Variants in EPN2 observed in about 807,000 individuals in gnomAD.
EPN2 encodes epsin 2, also known as epsin-2.
EPN2 carries 34 observed loss-of-function variants against 61.7 expected under a neutral mutation model. The ratio of observed to expected loss-of-function variants is 0.55; its 90% CI spans 0.42 to 0.73. EPN2 has a LOEUF of 0.73. EPN2 is among the 30% of genes least tolerant of loss of function. EPN2 has a pLI of 0.00. For synonymous variants in EPN2, 349 were observed against 353.6 expected (o/e 0.99, Z 0.15); for missense variants, 714 against 839.2 (o/e 0.85, Z 1.84).
intron 1 of EPN2, among the ~76,000 whole-genome samples, chr17:19,252,107 T>G (rs1333606323): frequency 6.6e-6 from 1 of 152,066 alleles, no homozygotes. Context: ...TTGGAACATT[T>G]TGGATTTTGG....
intron 1 of EPN2, among the ~76,000 whole-genome samples, chr17:19,270,043 G>A (rs1464001612): frequency 6.6e-6 from 1 of 152,220 alleles, no homozygotes; most frequent in Non-Finnish European, 1.5e-5. Context: ...AGAAGTCAGA[G>A]TCTGAGAGCA....
chr17:19,312,008 C>A, intron 5 of EPN2, 44 bp from the exon 6 acceptor site: 1 of 1,285,808 alleles, frequency 7.8e-7, no homozygotes, highest in Non-Finnish European at 1.1e-6. Flanking sequence ...TTGTTCTGTA[C>A]AGTGATGTTA....
chr17:19,281,754 A>G (rs532761206), intron 1 of EPN2, among the ~76,000 whole-genome samples: 4 of 152,218 alleles, frequency 2.6e-5, no homozygotes. Flanking sequence ...ACAGCCAAGC[A>G]GGTGGTCAGA....
chr17:19,315,973 C>G (rs779311588), intron 7 of EPN2, among the ~76,000 whole-genome samples: 4 of 152,188 alleles, frequency 2.6e-5, no homozygotes, highest in African/African-American at 9.7e-5. Context: ...TTCATAGAAA[C>G]GGAGTCATGC....
At chr17:19,295,802 T>A (rs2045513935) in intron 4 of EPN2, among the ~76,000 whole-genome samples, 1 of 152,136 alleles carries the variant, frequency 6.6e-6, no homozygotes, top group South Asian at 2.1e-4. Flanking sequence ...CAAATTAGAA[T>A]CTCTGGGAGG....
intron 4 of EPN2, chr17:19,307,794 T>TCTA (rs1905923742): frequency 1.8e-6 from 1 of 563,860 alleles, no homozygotes; most frequent in African/African-American, 2.0e-5. Flanking sequence ...GCAGCCTCTT[T>TCTA]CTACCTCCCC....
At position 19,335,264 on chromosome 17, in the gene EPN2, T is replaced by C. The variant is rs1383104000; in HGVS notation, c.*1010T>C. The C allele has an allele frequency of 5.2e-6, 4 of 771,456 alleles. No homozygotes were observed. The East Asian group carries it at 1.1e-4, about 22-fold the overall frequency. The allele number at this position is 771,456 out of a possible 1,614,324, so 47.8% of individuals were successfully genotyped here. On this transcript the variant is annotated 3_prime_UTR_variant, in exon 11 of 11. Transcript: ENST00000314728. ...GTTTTTGGTGAATTACTAAACTGAT[T>C]GACTTTCAGCCTTTTTGGCTAGATC... is the stretch of plus-strand genomic sequence containing the variant.
Position 19,312,058 on chromosome 17 carries a change from C to T in EPN2, c.886C>T (p.Arg296Cys), listed in dbSNP as rs1202146083. 7 of 1,612,012 alleles carry T rather than the reference C, an allele frequency of 4.3e-6. No individual in the cohort carries two copies. The highest frequency in any genetic ancestry group is 4.2e-6 in the Non-Finnish European group (5 of 1,178,012). ...TTGCATTGTCCCTCTACAGGAAGAA[C>T]GCCTCAGGCGGGGTGATGACCTCAG... ...MSREVAEQEE[R>C]LRRGDDLRLQ... The change falls in exon 6 of 11, where the codon CGC becomes TGC. Residue 296 changes from arginine to cysteine, a missense_variant. Arg to Cys is a radical substitution (Grantham distance 180). This residue lies in a region of EPN2 where 304 missense variants were observed against 417.4 expected (regional missense o/e 0.73). Coordinates refer to ENST00000314728, the MANE Select transcript of EPN2 (RefSeq NM_014964.5).
chr17:19,299,564 A>G (rs1214202130), intron 4 of EPN2, among the ~76,000 whole-genome samples: 1 of 152,264 alleles, frequency 6.6e-6, no homozygotes, highest in Non-Finnish European at 1.5e-5. Flanking sequence ...GGTAAATGAC[A>G]GTGAGAAAAA....
chr17:19,328,108 T>C, intron 7 of EPN2, among the ~76,000 whole-genome samples: 1 of 152,228 alleles, frequency 6.6e-6, no homozygotes, highest in Non-Finnish European at 1.5e-5. Flanking sequence ...ACCCACTAAA[T>C]TGATTTTGTC....
chr17:19,264,320 T>A (rs567932721), intron 1 of EPN2, among the ~76,000 whole-genome samples: 1 of 152,200 alleles, frequency 6.6e-6, no homozygotes, highest in South Asian at 2.1e-4. Flanking sequence ...ACTAAAAAAT[T>A]CCCCTCCTGT....
chr17:19,276,314 A>G (rs548660175), intron 1 of EPN2: 124 of 145,542 alleles, frequency 8.5e-4, no homozygotes, highest in African/African-American at 2.9e-3. Flanking sequence ...CAGTCTCCTG[A>G]GTAGCTGGGA....
At chr17:19,254,742 G>T (rs1484980842) in intron 1 of EPN2, among the ~76,000 whole-genome samples, 3 of 152,080 alleles carry the variant, frequency 2.0e-5, no homozygotes, top group Non-Finnish European at 2.9e-5. Flanking sequence ...TGGAATGGAG[G>T]TGGGTGATCA....
intron 1 of EPN2, among the ~76,000 whole-genome samples, chr17:19,253,546 C>T (rs1342963921): frequency 6.6e-6 from 1 of 151,388 alleles, no homozygotes; most frequent in African/African-American, 2.4e-5. Flanking sequence ...TCCTGAGTAG[C>T]TGGGGCTACA....
At chr17:19,308,511 G>T in intron 4 of EPN2, 1 of 985,472 alleles carries the variant, frequency 1.0e-6, no homozygotes, top group Non-Finnish European at 1.2e-6. Flanking sequence ...AGGGGTGAGT[G>T]CTACAAGGGA....
chr17:19,290,944 A>G (rs1437126632), intron 4 of EPN2, among the ~76,000 whole-genome samples: 2 of 152,100 alleles, frequency 1.3e-5, no homozygotes, highest in South Asian at 2.1e-4. Flanking sequence ...GTCTGCTCCC[A>G]GAGAAATGAC....
chr17:19,245,515 C>CA (rs758009631), intron 1 of EPN2, among the ~76,000 whole-genome samples: 37 of 150,998 alleles, frequency 2.5e-4, no homozygotes, highest in Admixed American at 3.3e-4. Context: ...CAGCTCACTG[C>CA]AGCCTCTGCC....
At chr17:19,297,899 G>GT (rs981664650) in intron 4 of EPN2, among the ~76,000 whole-genome samples, 7 of 151,956 alleles carry the variant, frequency 4.6e-5, no homozygotes, top group African/African-American at 9.7e-5. Flanking sequence ...GTTTTGTTTT[G>GT]TTTTTTTGAG....
intron 4 of EPN2, among the ~76,000 whole-genome samples, chr17:19,302,211 A>G (rs1046574169): frequency 6.6e-6 from 1 of 152,198 alleles, no homozygotes; most frequent in African/African-American, 2.4e-5. Context: ...GTTCCTCGAG[A>G]GACAGTGTTG....
Sources: allele counts gnomAD v4.1 joint callset (sites outside exome capture counted in the v4.1 genomes callset), GRCh38; gene constraint gnomAD v4.1.1; regional missense constraint gnomAD v4.1.1; transcripts MANE v1.5; gene names NCBI Gene and HGNC (gene_info 2026-07-23, HGNC 2026-07-21).